The following BNC2 variants were observed in gnomAD, a reference collection of about 807,000 sequenced individuals.
BNC2 encodes the protein zinc finger protein basonuclin-2.
In BNC2, 20 loss-of-function variants were observed where a neutral mutation model predicts 76.3. The observed-to-expected ratio is 0.26, with a 90% CI of 0.18 to 0.38. The LOEUF is 0.38. Ranked by LOEUF, BNC2 falls within the 10% of genes least tolerant of loss-of-function variation. BNC2 has a pLI of 1.00. For synonymous variants in BNC2, 582 were observed against 514.8 expected, an observed-to-expected ratio of 1.13 and a Z score of -1.77; for missense variants, 1,382 against 1,399.8, an observed-to-expected ratio of 0.99 and a Z score of 0.20.
chr9:16,674,748 G>A (rs1822586245), intron 3 of BNC2, among the ~76,000 whole-genome samples: 2 of 152,068 alleles, frequency 1.3e-5, no homozygotes, highest in South Asian at 4.1e-4. Flanking sequence ...ACCCAAGAAG[G>A]CACTTAAAGA....
rs569059435 is a variant in BNC2 at position 16,657,488 on chromosome 9, G to C, written c.330+70309C>G. ...AGACAAGAAACAGAAGCTAGACTGT[G>C]GGAGGCTAAGGCAGAAGAGGAAACA... On this transcript the variant is annotated intron_variant, in intron 3 of 6. Coordinates refer to ENST00000380672, the MANE Select transcript of BNC2 (RefSeq NM_017637.6). Among the ~76,000 whole-genome samples, 6 of 152,256 alleles carry C rather than the reference G, an allele frequency of 3.9e-5. No individual in the cohort carries two copies. In the East Asian group the frequency reaches 1.2e-3, roughly 29 times the overall value.
rs1821238110 is a variant in BNC2, at chr9:16,633,893, G to T, written c.331-50808C>A. Reference sequence around the variant, plus strand: ...CAACAGGTAAGTCAGAATTTCAGTGGGTGCCAAATATATTATAATTATTTT... The same window carrying T: ...CAACAGGTAAGTCAGAATTTCAGTGTGTGCCAAATATATTATAATTATTTT... On this transcript the variant is annotated intron_variant, in intron 3 of 6. Coordinates refer to ENST00000380672, the MANE Select transcript of BNC2 (RefSeq NM_017637.6). 1.3e-5 allele frequency among the ~76,000 whole-genome samples: 2 copies of T among 152,192 alleles called. 1 individual carries two copies. The highest frequency in any genetic ancestry group is 4.8e-5 in the African/African-American group (2 of 41,504).
At chr9:16,676,824 T>A (rs566370362) in intron 3 of BNC2, among the ~76,000 whole-genome samples, 1 of 152,204 alleles carries the variant, frequency 6.6e-6, no homozygotes, top group Non-Finnish European at 1.5e-5. Flanking sequence ...CATGAACTGT[T>A]TTTTTCCCTG....
At chr9:16,556,491 C>A (rs1357547009) in intron 4 of BNC2, among the ~76,000 whole-genome samples, 1 of 151,990 alleles carries the variant, frequency 6.6e-6, no homozygotes, top group Admixed American at 6.6e-5. Flanking sequence ...TAAACTGGGC[C>A]AGGCACAGTG....
rs200219996 is a variant in BNC2 at position 16,409,802 on chromosome 9, ATTAGAT to A, written c.*9181_*9186del. On this transcript the variant is annotated 3_prime_UTR_variant, in exon 7 of 7. Coordinates refer to ENST00000380672, the MANE Select transcript of BNC2 (RefSeq NM_017637.6). ...TTAGGAAGCTACCAACGTCACAATG[ATTAGAT>A]CAGGGTGATGCACACTGTCCCATCC... 2,316 of 152,754 alleles carry A rather than the reference ATTAGAT, an allele frequency of 0.015. 32 individuals carry two copies. The highest frequency in any genetic ancestry group is 0.021 in the Non-Finnish European group (1,451 of 68,014). 9.5% of individuals were successfully genotyped at this position (152,754 alleles called of 1,614,324 possible).
At chr9:16,700,762 C>T (rs1823486243) in intron 3 of BNC2, among the ~76,000 whole-genome samples, 2 of 152,054 alleles carry the variant, frequency 1.3e-5, no homozygotes, top group African/African-American at 2.4e-5. Flanking sequence ...GAGTTCGAAA[C>T]CAGCCTGGCT....
intron 4 of BNC2, among the ~76,000 whole-genome samples, chr9:16,578,498 T>C (rs976849307): frequency 1.3e-5 from 2 of 152,084 alleles, no homozygotes; most frequent in Non-Finnish European, 1.5e-5. Flanking sequence ...CAAGGGAGAA[T>C]AGTAAGTAGG....
chr9:16,616,655 C>T (rs1820705952), intron 3 of BNC2, among the ~76,000 whole-genome samples: 1 of 149,354 alleles, frequency 6.7e-6, no homozygotes, highest in African/African-American at 2.5e-5. Flanking sequence ...TGGCACTTCA[C>T]TCCAGCCTGG....
At chr9:16,832,176 C>T (rs558611853) in intron 1 of BNC2, 23 of 709,410 alleles carry the variant, frequency 3.2e-5, no homozygotes, top group East Asian at 1.4e-4. Context: ...TTCATTCATG[C>T]GCCCTTATTA....
At chr9:16,853,224 C>A (rs1819169581) in intron 1 of BNC2, among the ~76,000 whole-genome samples, 1 of 151,956 alleles carries the variant, frequency 6.6e-6, no homozygotes, top group South Asian at 2.1e-4. Context: ...TCATGACCAG[C>A]CTGGCCAGCA....
In BNC2 at chr9:16,436,045, C is replaced by G. The variant is rs755419336; in HGVS notation, c.2149G>C (p.Glu717Gln). The G allele has an allele frequency of 1.2e-6, 2 of 1,614,178 alleles. No individual in the cohort carries two copies. Among genetic ancestry groups the G allele is most frequent in the Non-Finnish European group, 1.7e-6 (2 of 1,180,044 alleles). Residue 717 changes from glutamate (E) to glutamine (Q), a missense_variant, in exon 6 of 7, where the codon GAA (glutamate) becomes CAA (glutamine). Glu to Gln is a conservative substitution (Grantham distance 29, BLOSUM62 2). Coordinates refer to ENST00000380672, the MANE Select transcript of BNC2 (RefSeq NM_017637.6). ...RADSMTSEDQ[E>Q]PERDYENESE... ...TCGTTCTCATAGTCCCGCTCAGGTT[C>G]TTGGTCTTCAGAAGTCATGCTGTCG...
chr9:16,685,516 C>G (rs1344073358), intron 3 of BNC2: 1 of 1,274,560 alleles, frequency 7.8e-7, no homozygotes, highest in Admixed American at 2.3e-5. Flanking sequence ...CACACCACCC[C>G]TAGCTGAGAA....
chr9:16,747,494 T>C (rs1290530715), intron 1 of BNC2, among the ~76,000 whole-genome samples: 2 of 152,218 alleles, frequency 1.3e-5, no homozygotes, highest in Non-Finnish European at 2.9e-5. Context: ...TTTTCATTCA[T>C]TCTTCACAAG....
intron 1 of BNC2, among the ~76,000 whole-genome samples, chr9:16,783,435 T>G (rs1826205021): frequency 6.6e-6 from 1 of 152,206 alleles, no homozygotes; most frequent in African/African-American, 2.4e-5. Flanking sequence ...GCTGAAGAGA[T>G]AAATTATGCA....
chr9:16,818,142 C>T (rs1335999821), intron 1 of BNC2, among the ~76,000 whole-genome samples: 3 of 152,178 alleles, frequency 2.0e-5, no homozygotes, highest in African/African-American at 7.2e-5. Context: ...CGGTGGCTCA[C>T]GCCTGTAATC....
At chr9:16,681,556 G>C (rs1822822228) in intron 3 of BNC2, among the ~76,000 whole-genome samples, 2 of 151,978 alleles carry the variant, frequency 1.3e-5, no homozygotes, top group African/African-American at 4.8e-5. Flanking sequence ...TGGAGAAGAT[G>C]AAAAGACAAA....
At position 16,419,029 on chromosome 9, in the gene BNC2, G is replaced by A. The variant is rs755129312; in HGVS notation, c.3260C>T (p.Pro1087Leu). 2 of 1,614,152 alleles carry A rather than the reference G, an allele frequency of 1.2e-6. No homozygotes were observed. Among genetic ancestry groups the A allele is most frequent in the Admixed American group, 3.3e-5 (2 of 60,026 alleles). The change falls in exon 7 of 7, where the codon CCT becomes CTT. Residue 1087 changes from proline to leucine, a missense_variant. Coordinates refer to ENST00000380672, the MANE Select transcript of BNC2 (RefSeq NM_017637.6). ...VRSRNRHSQN[P>L]NLHKNIPFTS... Reference sequence around the variant, plus strand: ...GAAGGGAATGTTTTTGTGGAGATTAGGGTTCTGACTGTGCCGATTTCGGCT... The same window carrying A: ...GAAGGGAATGTTTTTGTGGAGATTAAGGTTCTGACTGTGCCGATTTCGGCT...
intron 6 of BNC2, chr9:16,431,627 C>T: frequency 3.6e-6 from 1 of 278,490 alleles, no homozygotes; most frequent in Non-Finnish European, 7.7e-6. Flanking sequence ...AAATCTAACA[C>T]TACACCTTGC....
chr9:16,600,724 G>A (rs887066266), intron 3 of BNC2, among the ~76,000 whole-genome samples: 9 of 152,068 alleles, frequency 5.9e-5, no homozygotes, highest in Admixed American at 4.6e-4. Flanking sequence ...GTAATGATGC[G>A]GGGGTGCGGC....
Sources: gnomAD v4.1 joint callset for allele counts (sites outside exome capture counted in the v4.1 genomes callset) on GRCh38, gnomAD v4.1.1 for gene constraint, MANE v1.5 for transcripts, NCBI Gene and HGNC (gene_info 2026-07-23, HGNC 2026-07-21) for gene names.